KCTD8: variants seen among roughly 807,000 people sequenced by gnomAD.
KCTD8 encodes the protein potassium channel tetramerization domain containing 8.
In KCTD8, 27 loss-of-function variants were observed where a neutral mutation model predicts 31.5. That is an observed-to-expected ratio of 0.86 (90% CI 0.63 to 1.18). The LOEUF is 1.18. KCTD8 is among the 50% of genes most tolerant of loss of function. The pLI, the probability that KCTD8 is intolerant of heterozygous loss-of-function variation, is 0.00. For synonymous variants in KCTD8, 290 were observed against 280.0 expected, an observed-to-expected ratio of 1.04 and a Z score of -0.36; for missense variants, 658 against 647.7, an observed-to-expected ratio of 1.02 and a Z score of -0.17.
At chr4:44,341,937 G>A (rs1560430886) in intron 1 of KCTD8, among the ~76,000 whole-genome samples, 1 of 152,178 alleles carries the variant, frequency 6.6e-6, no homozygotes, top group Non-Finnish European at 1.5e-5. Context: ...CTTAGGAAAT[G>A]TATCTCTTAA....
chr4:44,177,225 T>C (rs1035709520), intron 1 of KCTD8, among the ~76,000 whole-genome samples: 1 of 152,134 alleles, frequency 6.6e-6, no homozygotes, highest in Non-Finnish European at 1.5e-5. Context: ...TCTTGCCTTC[T>C]GGCTTTCAGA....
chr4:44,218,970 CAT>C (rs1012964921), intron 1 of KCTD8, among the ~76,000 whole-genome samples: 7 of 152,166 alleles, frequency 4.6e-5, no homozygotes, highest in African/African-American at 1.7e-4. Flanking sequence ...ACATTGTTCA[CAT>C]GTTTCACATT....
At chr4:44,342,507 G>T (rs572413098) in intron 1 of KCTD8, among the ~76,000 whole-genome samples, 1 of 152,176 alleles carries the variant, frequency 6.6e-6, no homozygotes, top group Admixed American at 6.5e-5. Context: ...TAGAGCACAC[G>T]TCAAGTATAT....
At position 44,324,820 on chromosome 4, in the gene KCTD8, A is replaced by T. The variant is rs187395551; in HGVS notation, c.961+122743T>A. Among the ~76,000 whole-genome samples, 36 of 152,118 alleles carry T rather than the reference A, an allele frequency of 2.4e-4. No individual in the cohort carries two copies. The Middle Eastern group carries it at 0.01, about 43-fold the overall frequency. On this transcript the variant is annotated intron_variant, in intron 1 of 1. Transcript: ENST00000360029. ...AGCATCTGGTTGCTTAACATTCACC[A>T]ACATATTATCAATTACTTCTCTTTT...
At chr4:44,292,476 T>C (rs1012417426) in intron 1 of KCTD8, among the ~76,000 whole-genome samples, 1 of 151,992 alleles carries the variant, frequency 6.6e-6, no homozygotes. Context: ...TTACTAGAAG[T>C]AGAGAGGGAG....
At chr4:44,358,369 G>T (rs925545466) in intron 1 of KCTD8, among the ~76,000 whole-genome samples, 1 of 152,038 alleles carries the variant, frequency 6.6e-6, no homozygotes. Flanking sequence ...ATGTGCATGC[G>T]TCTTTATAGT....
intron 1 of KCTD8, among the ~76,000 whole-genome samples, chr4:44,311,440 C>T (rs1371558783): frequency 6.6e-6 from 1 of 151,958 alleles, no homozygotes; most frequent in East Asian, 1.9e-4. Flanking sequence ...TTCATTCAAC[C>T]TCAAACTATA....
chr4:44,368,298 AC>A (rs1719694196), intron 1 of KCTD8, among the ~76,000 whole-genome samples: 1 of 152,016 alleles, frequency 6.6e-6, no homozygotes, highest in Non-Finnish European at 1.5e-5. Context: ...AATTGCTTGA[AC>A]CCGAAAGGTG....
At chr4:44,438,863 T>C (rs73179349) in intron 1 of KCTD8, among the ~76,000 whole-genome samples, 17,332 of 152,218 alleles carry the variant, frequency 0.11, 2,131 homozygotes, top group African/African-American at 0.29. Context: ...ATACCATCTG[T>C]GCCTGATACC....
chr4:44,393,815 T>A (rs1031139259), intron 1 of KCTD8, among the ~76,000 whole-genome samples: 5 of 151,876 alleles, frequency 3.3e-5, no homozygotes, highest in African/African-American at 1.2e-4. Flanking sequence ...TTACAGAGCA[T>A]CTCTTATTCT....
Position 44,174,586 on chromosome 4 carries a change from A to G in KCTD8, c.*204T>C, listed in dbSNP as rs1007331354. Reference sequence around the variant, plus strand: ...GATATTCCATTTTGATTTAACACTTATTGATTTAATATTTTTTCCTTTTTA... The same window carrying G: ...GATATTCCATTTTGATTTAACACTTGTTGATTTAATATTTTTTCCTTTTTA... On this transcript the variant is annotated 3_prime_UTR_variant, in exon 2 of 2. Coordinates refer to ENST00000360029, the MANE Select transcript of KCTD8 (RefSeq NM_198353.3). The G allele has an allele frequency of 2.1e-6, 1 of 466,032 alleles. No homozygotes were observed. The highest frequency in any genetic ancestry group is 3.7e-6 in the Non-Finnish European group (1 of 267,020). 28.9% of individuals were successfully genotyped at this position (466,032 alleles called of 1,614,324 possible).
At chr4:44,213,924 T>A (rs1366446783) in intron 1 of KCTD8, among the ~76,000 whole-genome samples, 1 of 152,122 alleles carries the variant, frequency 6.6e-6, no homozygotes, top group Admixed American at 6.6e-5. Context: ...GAAATTTACA[T>A]CTATAAAGAA....
At chr4:44,272,442 A>T (rs1052141474) in intron 1 of KCTD8, among the ~76,000 whole-genome samples, 6 of 152,084 alleles carry the variant, frequency 3.9e-5, no homozygotes, top group Admixed American at 2.6e-4. Flanking sequence ...ATTCATTATG[A>T]GGCACTTTAT....
intron 1 of KCTD8, among the ~76,000 whole-genome samples, chr4:44,269,545 C>G (rs1318221824): frequency 4.6e-5 from 7 of 151,616 alleles, no homozygotes; most frequent in African/African-American, 1.7e-4. Flanking sequence ...CAAATGGGAT[C>G]TAATTAAACT....
chr4:44,275,265 C>T (rs990502895), intron 1 of KCTD8, among the ~76,000 whole-genome samples: 3 of 151,904 alleles, frequency 2.0e-5, no homozygotes, highest in Admixed American at 6.6e-5. Context: ...ATAAGCCTTT[C>T]CTGTGCTTGT....
At chr4:44,396,689 T>C (rs1361130637) in intron 1 of KCTD8, among the ~76,000 whole-genome samples, 1 of 152,120 alleles carries the variant, frequency 6.6e-6, no homozygotes, top group Non-Finnish European at 1.5e-5. Flanking sequence ...GGGAAATATC[T>C]GCACCAGAAT....
intron 1 of KCTD8, among the ~76,000 whole-genome samples, chr4:44,429,893 G>C (rs929445020): frequency 2.0e-5 from 3 of 151,612 alleles, no homozygotes. Flanking sequence ...GTGTGGACAG[G>C]TTTATATCCC....
chr4:44,371,168 C>G (rs543059669), intron 1 of KCTD8, among the ~76,000 whole-genome samples: 1 of 152,130 alleles, frequency 6.6e-6, no homozygotes, highest in East Asian at 1.9e-4. Flanking sequence ...GTGATTTTGC[C>G]CTTTCTCTTC....
chr4:44,194,105 A>C (rs1031536773), intron 1 of KCTD8, among the ~76,000 whole-genome samples: 4 of 152,146 alleles, frequency 2.6e-5, no homozygotes, highest in Admixed American at 2.6e-4. Flanking sequence ...TTTGTATGAG[A>C]AGATACATTT....
Sources: allele counts gnomAD v4.1 joint callset (sites outside exome capture counted in the v4.1 genomes callset), GRCh38; gene constraint gnomAD v4.1.1; transcripts MANE v1.5; gene names NCBI Gene and HGNC (gene_info 2026-07-23, HGNC 2026-07-21).